The following ARIH1 variants were observed in gnomAD, a reference collection of about 807,000 sequenced individuals.
ARIH1 encodes E3 ubiquitin-protein ligase ARIH1.
In ARIH1, 8 loss-of-function variants were observed where a neutral mutation model predicts 85.0. The observed-to-expected ratio is 0.09, with a 90% CI of 0.06 to 0.17. The LOEUF (loss-of-function observed/expected upper bound fraction) is 0.17, where lower values mean the gene tolerates loss of function less well. Among genes scored for constraint, ARIH1 ranks in the 10% least tolerant of loss-of-function variants. ARIH1 has a pLI of 1.00. For missense variants in ARIH1, 311 were observed against 718.1 expected (o/e 0.43, Z 6.48); for synonymous variants, 238 against 253.6 (o/e 0.94, Z 0.59).
At chr15:72,525,536 T>C (rs774189100) in intron 2 of ARIH1, among the ~76,000 whole-genome samples, 9 of 152,190 alleles carry the variant, frequency 5.9e-5, no homozygotes, top group Non-Finnish European at 1.0e-4. Context: ...ATAAATAACG[T>C]AATACATGGA....
intron 1 of ARIH1, among the ~76,000 whole-genome samples, chr15:72,494,435 A>G (rs1031803698): frequency 6.6e-6 from 1 of 152,136 alleles, no homozygotes; most frequent in Non-Finnish European, 1.5e-5. Flanking sequence ...TTCCAGACAA[A>G]GGAGGAAGAG....
chr15:72,566,478 A>G, intron 7 of ARIH1, 85 bp from the exon 8 acceptor site: 1 of 1,077,328 alleles, frequency 9.3e-7, no homozygotes, highest in Admixed American at 1.9e-5. Flanking sequence ...ATACTGTGGA[A>G]CTATAAGGCA....
chr15:72,486,255 GA>G (rs1005607203), intron 1 of ARIH1, among the ~76,000 whole-genome samples: 4 of 152,000 alleles, frequency 2.6e-5, no homozygotes, highest in Admixed American at 6.6e-5. Context: ...GAAAATTTCA[GA>G]AAAAAACAAT....
At chr15:72,518,015 G>A in intron 1 of ARIH1, 52 bp from the exon 2 acceptor site, 1 of 1,377,712 alleles carries the variant, frequency 7.3e-7, no homozygotes. Flanking sequence ...TTCACTAAAT[G>A]TCCATGAAGT....
chr15:72,481,083 C>T (rs1195597935), intron 1 of ARIH1, among the ~76,000 whole-genome samples: 2 of 152,198 alleles, frequency 1.3e-5, no homozygotes, highest in African/African-American at 2.4e-5. Context: ...ATGATGTGTG[C>T]AGGCACATGT....
Position 72,582,866 on chromosome 15 carries a change from A to G in ARIH1, c.1590-342A>G, listed in dbSNP as rs552954468. The stretch of plus-strand genomic sequence containing the variant: ...ACTTTTACAGTTGACAGAGATTTTA[A>G]GGACGTGAATAAAGAACCCATGAAA... On this transcript the variant is annotated intron_variant, in intron 13 of 13. Coordinates refer to ENST00000379887, the MANE Select transcript of ARIH1 (RefSeq NM_005744.5). This position sits in a 1 kb window ranked among gnomAD's most constrained non-coding sequence, Gnocchi z 4.6. Among the ~76,000 whole-genome samples the G allele has an allele frequency of 4.6e-5, 7 of 152,308 alleles. No homozygotes were observed. The East Asian group carries it at 1.4e-3, about 29-fold the overall frequency.
chr15:72,518,755 T>C (rs1285010999), intron 2 of ARIH1, among the ~76,000 whole-genome samples: 1 of 141,376 alleles, frequency 7.1e-6, no homozygotes, highest in Non-Finnish European at 1.5e-5. Flanking sequence ...GCTACTACAC[T>C]CCAGCCTGGC....
At chr15:72,480,344 C>T (rs976829515) in intron 1 of ARIH1, among the ~76,000 whole-genome samples, 1 of 151,704 alleles carries the variant, frequency 6.6e-6, no homozygotes, top group African/African-American at 2.4e-5. Flanking sequence ...TCACTGCAAC[C>T]TCCACTTCCA....
chr15:72,561,461 C>T (rs1257534963), intron 5 of ARIH1, 22 bp from the exon 6 acceptor site: 1 of 1,526,334 alleles, frequency 6.6e-7, no homozygotes, highest in Non-Finnish European at 9.0e-7. Flanking sequence ...ACTTTCTAAT[C>T]TATTTTTATT....
Position 72,602,471 on chromosome 15 carries a change from ATG to A in ARIH1, c.*19181_*19182del, listed in dbSNP as rs2064385206. 1 of 152,198 alleles carries A rather than the reference ATG, an allele frequency of 6.6e-6. No individual in the cohort carries two copies. Among genetic ancestry groups the A allele is most frequent in the African/African-American group, 2.4e-5 (1 of 41,446 alleles). The allele number at this position is 152,198 out of a possible 1,614,324, so 9.4% of individuals were successfully genotyped here. On this transcript the variant is annotated 3_prime_UTR_variant, in exon 14 of 14. Coordinates refer to ENST00000379887, the MANE Select transcript of ARIH1 (RefSeq NM_005744.5). ...ATAAACTTTGCTTACTTATTATCTA[ATG>A]TCTGACTAATTTGCTACACTCTAAA... is the stretch of plus-strand genomic sequence containing the variant.
At chr15:72,489,664 TTGTG>T (rs746556203) in intron 1 of ARIH1, among the ~76,000 whole-genome samples, 5 of 152,212 alleles carry the variant, frequency 3.3e-5, no homozygotes, top group African/African-American at 4.8e-5. Context: ...ATGAAAACAT[TTGTG>T]TGTGCTTTTG....
chr15:72,524,975 C>T (rs938504347), intron 2 of ARIH1, among the ~76,000 whole-genome samples: 1 of 152,182 alleles, frequency 6.6e-6, no homozygotes, highest in Admixed American at 6.5e-5. Context: ...ACCTCCGCCT[C>T]CCAGGTTCAA....
chr15:72,541,050 A>G (rs936920125), intron 2 of ARIH1, among the ~76,000 whole-genome samples: 4 of 152,160 alleles, frequency 2.6e-5, no homozygotes, highest in Non-Finnish European at 5.9e-5. Context: ...CAACGCTAGT[A>G]TGGAGGCTGC....
chr15:72,505,615 G>A (rs2063921383), intron 1 of ARIH1, among the ~76,000 whole-genome samples: 1 of 152,110 alleles, frequency 6.6e-6, no homozygotes, highest in African/African-American at 2.4e-5. Flanking sequence ...CTAGGTCCTA[G>A]TTCATGTGCA....
rs138322683 is a variant in ARIH1 at position 72,600,880 on chromosome 15, G to A, written c.*17588G>A. 3.9e-5 allele frequency: 6 copies of A among 152,280 alleles called. No homozygotes were observed. The highest frequency in any genetic ancestry group is 5.9e-5 in the Non-Finnish European group (4 of 68,016). 9.4% of individuals were successfully genotyped at this position (152,280 alleles called of 1,614,324 possible). The stretch of plus-strand genomic sequence containing the variant: ...ATTATAGCAATGGCTTCTAGTTATT[G>A]AATAAAGAATGTCATTTGCTCCTCA... On this transcript the variant is annotated 3_prime_UTR_variant, in exon 14 of 14. Coordinates refer to ENST00000379887, the MANE Select transcript of ARIH1 (RefSeq NM_005744.5).
In ARIH1 at chr15:72,599,076, A is replaced by T. The variant is rs2140448375; in HGVS notation, c.*15784A>T. The T allele has an allele frequency of 6.6e-6, 1 of 152,276 alleles. No homozygotes were observed. Among genetic ancestry groups the T allele is most frequent in the Non-Finnish European group, 1.5e-5 (1 of 68,066 alleles). The allele number at this position is 152,276 out of a possible 1,614,324, so 9.4% of individuals were successfully genotyped here. A position where few individuals can be genotyped will look rare whatever the true frequency, so the allele number is the denominator to read the frequency against. On this transcript the variant is annotated 3_prime_UTR_variant, in exon 14 of 14. Transcript: ENST00000379887. ...GAGACAGAGTCTGGCTCTGTTGCCCAGGCTGGAGTGCAGTGGCACGATCTA... is the reference window on the plus strand; with the variant it reads ...GAGACAGAGTCTGGCTCTGTTGCCCTGGCTGGAGTGCAGTGGCACGATCTA...
chr15:72,480,502 C>T (rs571181669), intron 1 of ARIH1, among the ~76,000 whole-genome samples: 3 of 152,134 alleles, frequency 2.0e-5, no homozygotes, highest in East Asian at 1.9e-4. Flanking sequence ...CTCAAATGAT[C>T]GACCTACCTT....
At position 72,586,180 on chromosome 15, in the gene ARIH1, G is replaced by C; in HGVS notation, c.*2888G>C. The C allele has an allele frequency of 6.6e-6, 1 of 152,264 alleles. No homozygotes were observed. Among genetic ancestry groups the C allele is most frequent in the Middle Eastern group, 3.4e-3 (1 of 294 alleles). 9.4% of individuals were successfully genotyped at this position (152,264 alleles called of 1,614,324 possible). On this transcript the variant is annotated 3_prime_UTR_variant, in exon 14 of 14. Transcript: ENST00000379887. Reference sequence around the variant, plus strand: ...GTTTAAATAAATATGTTAGATACACGTGTATACATACACCCATATACAACA... The same window carrying C: ...GTTTAAATAAATATGTTAGATACACCTGTATACATACACCCATATACAACA...
intron 2 of ARIH1, among the ~76,000 whole-genome samples, chr15:72,534,689 C>T (rs1352930139): frequency 6.6e-6 from 1 of 152,112 alleles, no homozygotes; most frequent in African/African-American, 2.4e-5. Flanking sequence ...CTCTGCTACC[C>T]TTGTGGTTTC....
Sources: gnomAD v4.1 joint callset for allele counts (sites outside exome capture counted in the v4.1 genomes callset) on GRCh38, gnomAD v4.1.1 for gene constraint, Gnocchi (gnomAD v3.1) non-coding constraint, MANE v1.5 for transcripts, NCBI Gene and HGNC (gene_info 2026-07-23, HGNC 2026-07-21) for gene names.